Variants in CASK observed in about 807,000 individuals in gnomAD.
CASK encodes calcium/calmodulin dependent serine protein kinase.
A neutral mutation model predicts 82.9 loss-of-function variants in CASK; 4 were observed. The ratio of observed to expected loss-of-function variants is 0.05; its 90% CI spans 0.02 to 0.11. The LOEUF is 0.11. Ranked by LOEUF, CASK falls within the 10% of genes least tolerant of loss-of-function variation. CASK has a pLI of 1.00. For missense variants in CASK, 358 were observed against 720.9 expected (o/e 0.50, Z 5.76); for synonymous variants, 259 against 253.5 (o/e 1.02, Z -0.20).
At chrX:41,680,806 T>C (rs901348722) in intron 5 of CASK, among the ~76,000 whole-genome samples, 16 of 110,163 alleles carry the variant, frequency 1.5e-4, no homozygotes, top group African/African-American at 4.3e-4. Context: ...TCCCAGCTAC[T>C]TGGGAGGCTG....
chrX:41,882,679 G>A (rs1394050360), intron 1 of CASK, among the ~76,000 whole-genome samples: 3 of 111,189 alleles, frequency 2.7e-5, no homozygotes, highest in Non-Finnish European at 3.8e-5. Context: ...AATGAGGACT[G>A]GAACCCAGAC....
intron 1 of CASK, among the ~76,000 whole-genome samples, chrX:41,894,597 T>TAAAAAAAAAA (rs1209248352): frequency 9.9e-5 from 4 of 40,479 alleles, no homozygotes; most frequent in African/African-American, 9.8e-5. Context: ...ACCCAAATAT[T>TAAAAAAAAAA]AAAAAAAAAA....
intron 4 of CASK, among the ~76,000 whole-genome samples, chrX:41,744,633 C>T (rs183366173): frequency 1.4e-3 from 157 of 111,779 alleles, no homozygotes; most frequent in Non-Finnish European, 2.3e-3. Flanking sequence ...CATGAGCCAC[C>T]GCGCCCGGCC....
chrX:41,586,529 A>G (rs2065660264), intron 14 of CASK: 2 of 128,721 alleles, frequency 1.6e-5, no homozygotes, highest in East Asian at 2.1e-4. Flanking sequence ...GTCAAAAGAG[A>G]TGTAATTCTT....
intron 2 of CASK, among the ~76,000 whole-genome samples, chrX:41,818,193 G>T (rs1271923790): frequency 2.0e-5 from 2 of 100,206 alleles, no homozygotes; most frequent in Non-Finnish European, 4.1e-5. Flanking sequence ...GTGTGTGTGT[G>T]TTTGCTGAAA....
At chrX:41,531,254 G>A (rs200118528) in intron 24 of CASK, 45 bp from the exon 25 acceptor site, 5 of 988,073 alleles carry the variant, frequency 5.1e-6, no homozygotes, top group Admixed American at 4.4e-5. Flanking sequence ...CTGAGCTGAT[G>A]AGCTTACTAC....
chrX:41,698,701 C>T (rs1218834086), intron 5 of CASK, among the ~76,000 whole-genome samples: 1 of 111,357 alleles, frequency 9.0e-6, no homozygotes, highest in Non-Finnish European at 1.9e-5. Context: ...TACACAGAAC[C>T]TGAATGTTAT....
chrX:41,731,939 ATTTTTTT>A (rs1309557386), intron 5 of CASK, among the ~76,000 whole-genome samples: 1 of 84,186 alleles, frequency 1.2e-5, no homozygotes, highest in Non-Finnish European at 2.4e-5. Context: ...TAATTTTTGT[ATTTTTTT>A]TTTTTTTTTT....
intron 20 of CASK, among the ~76,000 whole-genome samples, chrX:41,554,970 T>C (rs1179637883): frequency 8.9e-6 from 1 of 112,389 alleles, no homozygotes; most frequent in African/African-American, 3.2e-5. Flanking sequence ...TTCTGTTTAT[T>C]TTCAGCAATC....
chrX:41,692,312 G>C (rs1602475014), intron 5 of CASK, among the ~76,000 whole-genome samples: 1 of 111,384 alleles, frequency 9.0e-6, no homozygotes, highest in East Asian at 2.8e-4. Flanking sequence ...AGAATATCTG[G>C]GGAAGGAGCC....
intron 3 of CASK, chrX:41,748,582 G>A: frequency 4.7e-6 from 1 of 211,880 alleles, no homozygotes; most frequent in South Asian, 7.8e-5. Flanking sequence ...ACATATAGGA[G>A]GGAAAATCCT....
At chrX:41,718,017 C>T (rs144995878) in intron 5 of CASK, among the ~76,000 whole-genome samples, 1 of 112,028 alleles carries the variant, frequency 8.9e-6, no homozygotes, top group Non-Finnish European at 1.9e-5. Context: ...AACATTTAGC[C>T]CTACTCCCAA....
chrX:41,725,878 G>T (rs958537362), intron 5 of CASK, among the ~76,000 whole-genome samples: 2 of 111,694 alleles, frequency 1.8e-5, no homozygotes, highest in Non-Finnish European at 3.8e-5. Flanking sequence ...TTGAGACAGG[G>T]TCTCTTTCTG....
At chrX:41,568,513 G>A (rs999380128) in intron 16 of CASK, among the ~76,000 whole-genome samples, 2 of 110,749 alleles carry the variant, frequency 1.8e-5, no homozygotes, top group Non-Finnish European at 3.8e-5. Context: ...CTCGCTCTCT[G>A]GGGGTAAGGA....
chrX:41,713,891 TCTC>T (rs1395776280), intron 5 of CASK, among the ~76,000 whole-genome samples: 1 of 111,652 alleles, frequency 9.0e-6, no homozygotes, highest in African/African-American at 3.3e-5. Context: ...ATTCTGCTGT[TCTC>T]CTAACGGTAA....
intron 3 of CASK, among the ~76,000 whole-genome samples, chrX:41,759,941 A>G (rs895195768): frequency 3.6e-5 from 4 of 111,299 alleles, no homozygotes; most frequent in Admixed American, 9.6e-5. Context: ...TTCTTTCTAG[A>G]CATTTTTCCT....
intron 13 of CASK, 97 bp downstream of exon 13, chrX:41,589,418 C>T (rs757478789): frequency 1.9e-5 from 11 of 582,740 alleles, no homozygotes; most frequent in Non-Finnish European, 3.2e-5. Context: ...CAAATTGTGA[C>T]TCCAGGGAAA....
chrX:41,816,598 T>C (rs2070415715), intron 2 of CASK, among the ~76,000 whole-genome samples: 1 of 108,001 alleles, frequency 9.3e-6, no homozygotes, highest in African/African-American at 3.4e-5. Flanking sequence ...AATGAATTGA[T>C]AAACCTCTAG....
intron 16 of CASK, 126 bp downstream of exon 16, chrX:41,569,542 G>C (rs2065375087): frequency 4.0e-6 from 2 of 502,528 alleles, no homozygotes; most frequent in South Asian, 6.7e-5. Flanking sequence ...AGGAGCTCAA[G>C]ACCAGTCTGG....
Sources: allele counts gnomAD v4.1 joint callset (sites outside exome capture counted in the v4.1 genomes callset), GRCh38; gene constraint gnomAD v4.1.1; transcripts MANE v1.5; gene names NCBI Gene and HGNC (gene_info 2026-07-23, HGNC 2026-07-21).